The following HECTD4 variants were observed in gnomAD, a reference collection of about 807,000 sequenced individuals.
HECTD4 encodes probable E3 ubiquitin-protein ligase HECTD4.
A neutral mutation model predicts 471.5 loss-of-function variants in HECTD4; 114 were observed. The ratio of observed to expected loss-of-function variants is 0.24; its 90% CI spans 0.21 to 0.28. The LOEUF is 0.28. Among genes scored for constraint, HECTD4 ranks in the 10% least tolerant of loss-of-function variants. The probability of loss-of-function intolerance (pLI) is 1.00; values close to 1 mark genes in which losing one functional copy is unlikely to be tolerated. For synonymous variants in HECTD4, 2,012 were observed against 2,256.0 expected (o/e 0.89, Z 3.07); for missense variants, 3,866 against 5,651.5 (o/e 0.68, Z 10.13).
chr12:112,218,987 G>A (rs1012841146), intron 45 of HECTD4, among the ~76,000 whole-genome samples: 2 of 152,088 alleles, frequency 1.3e-5, no homozygotes, highest in East Asian at 3.8e-4. Flanking sequence ...GCCCAGCATG[G>A]CCTCTCAAAA....
chr12:112,193,523 G>A lies in HECTD4; in HGVS notation c.8901C>T (p.His2967=). The change falls in exon 57 of 76, where the codon CAC becomes CAT. Residue 2967 remains histidine (H), a synonymous_variant. Transcript: ENST00000682272. The surrounding 1 kb of genome is among the most constrained non-coding windows in gnomAD (Gnocchi z 5.2). The stretch of plus-strand genomic sequence containing the variant: ...GCTCTAAAAGGCTCTCCTCGCCCTG[G>A]TGCAGGGTCCGGGTGATGGCCACGT... The part of the protein sequence containing the change: ...WLNVAITRTL[H]QGEESLLELT... 1 of 1,612,514 alleles carries A rather than the reference G, an allele frequency of 6.2e-7. No homozygotes were observed. The highest frequency in any genetic ancestry group is 8.5e-7 in the Non-Finnish European group (1 of 1,179,330).
chr12:112,171,000 G>T, intron 68 of HECTD4, 117 bp downstream of exon 68: 3 of 788,390 alleles, frequency 3.8e-6, no homozygotes, highest in Non-Finnish European at 3.9e-6. Context: ...AAAGGTTGAG[G>T]TGGGGTGGCA....
Position 112,216,793 on chromosome 12 carries a change from C to G in HECTD4, c.7365G>C (p.Val2455=). The G allele has an allele frequency of 6.2e-7, 1 of 1,613,878 alleles. No homozygotes were observed. Among genetic ancestry groups the G allele is most frequent in the South Asian group, 1.1e-5 (1 of 91,074 alleles). The change falls in exon 47 of 76, where the codon GTG becomes GTC. Residue 2455 remains valine, a synonymous_variant. Coordinates refer to ENST00000682272, the MANE Select transcript of HECTD4 (RefSeq NM_001388303.1). ...CTTACTTATGGAAAAGACAAGTGCC[C>G]ACTGGATTAGTCCAAGCCCCATCTC... ...EKRDGAWTNP[V]GTCLFHNNGR...
Position 112,273,600 on chromosome 12 carries a change from T to G in HECTD4, c.1942+55A>C, listed in dbSNP as rs1319483321. 2.6e-6 allele frequency: 4 copies of G among 1,545,222 alleles called. No homozygotes were observed. The African/African-American group carries it at 5.4e-5, about 21-fold the overall frequency. ...GTTTTCACCTACTAATGCTGTGGTA[T>G]TCTCTCATATTTCAGAGGAAAATCT... On this transcript the variant is annotated intron_variant, in intron 11 of 75. Coordinates refer to ENST00000682272, the MANE Select transcript of HECTD4 (RefSeq NM_001388303.1).
chr12:112,250,417 A>G (rs1317411513), intron 24 of HECTD4, 40 bp from the exon 25 acceptor site: 1 of 1,408,446 alleles, frequency 7.1e-7, no homozygotes, highest in Admixed American at 1.7e-5. Flanking sequence ...TCCTCTCTCA[A>G]CAAGAGTATT....
At chr12:112,256,834 T>G (rs1358985020) in intron 20 of HECTD4, 1 of 181,260 alleles carries the variant, frequency 5.5e-6, no homozygotes, top group Non-Finnish European at 1.1e-5. Flanking sequence ...AGAGAAGACC[T>G]GATCAATTCT....
At chr12:112,244,063 A>G in intron 29 of HECTD4, 54 bp from the exon 30 acceptor site, 1 of 1,582,230 alleles carries the variant, frequency 6.3e-7, no homozygotes, top group Non-Finnish European at 8.6e-7. Flanking sequence ...TACAACAGCC[A>G]AATGCAACAC....
At position 112,256,448 on chromosome 12, in the gene HECTD4, T is replaced by C. The variant is rs1353858291; in HGVS notation, c.3199A>G (p.Lys1067Glu). 1.2e-6 allele frequency: 2 copies of C among 1,612,234 alleles called. No homozygotes were observed. The change falls in exon 21 of 76, where the codon AAG becomes GAG. Residue 1067 changes from lysine to glutamate, a missense_variant. Coordinates refer to ENST00000682272, the MANE Select transcript of HECTD4 (RefSeq NM_001388303.1). ...ACGGGGTGGACTGTTTCCACAGTCT[T>C]TCCAGCAGCCCATGGGGCAGGAATC... ...LKIPAPWAAGKTVETVHPVRD... is the reference protein window; with the variant it reads ...LKIPAPWAAGETVETVHPVRD...
intron 44 of HECTD4, among the ~76,000 whole-genome samples, chr12:112,221,946 C>A (rs1377184679): frequency 2.2e-5 from 3 of 137,630 alleles, no homozygotes; most frequent in Non-Finnish European, 3.1e-5. Flanking sequence ...TTTTTTGAGA[C>A]GGAGTCTCAC....
intron 67 of HECTD4, 26 bp downstream of exon 67, chr12:112,172,645 G>C: frequency 1.2e-6 from 2 of 1,608,318 alleles, no homozygotes; most frequent in Non-Finnish European, 1.7e-6. Flanking sequence ...GGCAGCAGGG[G>C]AGGGGATAGG....
intron 60 of HECTD4, among the ~76,000 whole-genome samples, chr12:112,186,415 G>A (rs1021775339): frequency 3.5e-5 from 5 of 143,406 alleles, no homozygotes; most frequent in African/African-American, 1.3e-4. Flanking sequence ...TCAGCTCACT[G>A]CAACCTCTGA....
chr12:112,320,740 T>G (rs1170232560), intron 1 of HECTD4, among the ~76,000 whole-genome samples: 1 of 152,110 alleles, frequency 6.6e-6, no homozygotes, highest in East Asian at 1.9e-4. Flanking sequence ...TATTACCAGA[T>G]AGAGTACTAG....
At position 112,319,695 on chromosome 12, in the gene HECTD4, C is replaced by T; in HGVS notation, c.225G>A (p.Leu75=). ...TKNPSELAER[L]RSVCGNQSNA... ...TGCTCTGATTCCCACAAACAGAGCG[C>T]AAACGTTCTGCTAATTCCGACGGGT... is the stretch of plus-strand genomic sequence containing the variant. Residue 75 remains leucine (L), a synonymous_variant, in exon 2 of 76, where the codon TTG becomes TTA. Transcript: ENST00000682272. The surrounding 1 kb of genome is among the most constrained non-coding windows in gnomAD (Gnocchi z 5.3). 1.6e-6 allele frequency: 2 copies of T among 1,271,892 alleles called. No homozygotes were observed. The highest frequency in any genetic ancestry group is 2.0e-6 in the Non-Finnish European group (2 of 1,011,020). The allele number at this position is 1,271,892 out of a possible 1,614,324, so 78.8% of individuals were successfully genotyped here. A position where few individuals can be genotyped will look rare whatever the true frequency, so the allele number is the denominator to read the frequency against.
intron 17 of HECTD4, 84 bp from the exon 18 acceptor site, chr12:112,261,513 T>C (rs1268183522): frequency 1.5e-6 from 2 of 1,311,510 alleles, no homozygotes; most frequent in Non-Finnish European, 2.1e-6. Flanking sequence ...ATGTATTTAA[T>C]GATGTATTTC....
chr12:112,381,899 T>G lies in HECTD4; in HGVS notation c.177+53A>C, dbSNP rs1246334692. On this transcript the variant is annotated intron_variant, in intron 1 of 75. Transcript: ENST00000682272. This position sits in a 1 kb window ranked among gnomAD's most constrained non-coding sequence, Gnocchi z 4.1. ...GCGAGGAGGGGGCCCGACCCGGGGG[T>G]GCCGGGCGAGTGGGTCAGTCCGATG... The G allele has an allele frequency of 8.5e-7, 1 of 1,174,178 alleles. No individual in the cohort carries two copies. The highest frequency in any genetic ancestry group is 3.3e-5 in the East Asian group (1 of 30,366). 72.7% of individuals were successfully genotyped at this position (1,174,178 alleles called of 1,614,324 possible).
chr12:112,332,789 A>G (rs2035867161), intron 1 of HECTD4, among the ~76,000 whole-genome samples: 1 of 150,906 alleles, frequency 6.6e-6, no homozygotes, highest in East Asian at 2.0e-4. Flanking sequence ...GAACATTTTC[A>G]TCACACACCC....
In HECTD4 at chr12:112,235,668, C is replaced by T. The variant is rs746902211; in HGVS notation, c.5561G>A (p.Arg1854Gln). ...TACGCTCATCAGGGGCAGCGCCGCC[C>T]GGCACAGCTGGAGAATAATAAGGAC... is the stretch of plus-strand genomic sequence containing the variant. Reference protein sequence around the residue: ...KLVLIILQLCRAALPLMSVED... With the variant: ...KLVLIILQLCQAALPLMSVED... Residue 1854 changes from arginine to glutamine, a missense_variant, in exon 36 of 76, where the codon CGG becomes CAG. Arg to Gln is a conservative substitution (Grantham distance 43, BLOSUM62 1). Around this residue, in one of 16 missense-constraint regions of HECTD4, gnomAD observed 617 missense variants for 915.1 expected, o/e 0.67. Coordinates refer to ENST00000682272, the MANE Select transcript of HECTD4 (RefSeq NM_001388303.1). This position sits in a 1 kb window ranked among gnomAD's most constrained non-coding sequence, Gnocchi z 5.0. 107 of 1,613,846 alleles carry T rather than the reference C, an allele frequency of 6.6e-5. No homozygotes were observed. Among genetic ancestry groups the T allele is most frequent in the Non-Finnish European group, 8.8e-5 (104 of 1,179,902 alleles).
At position 112,298,536 on chromosome 12, in the gene HECTD4, G is replaced by C. The variant is rs536154859; in HGVS notation, c.1335+7528C>G. 1.3e-4 allele frequency among the ~76,000 whole-genome samples: 18 copies of C among 139,478 alleles called. No individual in the cohort carries two copies. In the South Asian group the frequency reaches 1.8e-3, roughly 14 times the overall value. 91.5% of individuals were successfully genotyped at this position (139,478 alleles called of 152,430 possible). A position where few individuals can be genotyped will look rare whatever the true frequency, so the allele number is the denominator to read the frequency against. On this transcript the variant is annotated intron_variant, in intron 7 of 75. Coordinates refer to ENST00000682272, the MANE Select transcript of HECTD4 (RefSeq NM_001388303.1). ...GTCTCACTATGTTGCATGTTGCCCA[G>C]GCTGGTCTGAAAATTCCAGACTCAA...
At chr12:112,311,883 A>G (rs574060312) in intron 4 of HECTD4, among the ~76,000 whole-genome samples, 2 of 152,334 alleles carry the variant, frequency 1.3e-5, no homozygotes, top group South Asian at 4.1e-4. Context: ...TACTGCAGGC[A>G]TTCTCCCTCT....
Sources: gnomAD v4.1 joint callset for allele counts (sites outside exome capture counted in the v4.1 genomes callset) on GRCh38, gnomAD v4.1.1 for gene constraint, gnomAD v4.1.1 regional missense constraint, Gnocchi (gnomAD v3.1) non-coding constraint, MANE v1.5 for transcripts, NCBI Gene and HGNC (gene_info 2026-07-23, HGNC 2026-07-21) for gene names.